PCNT: variants seen among roughly 807,000 people sequenced by gnomAD.
The protein encoded by PCNT is pericentrin.
In PCNT, 319 loss-of-function variants were observed where a neutral mutation model predicts 380.4. The ratio of observed to expected loss-of-function variants is 0.84; its 90% CI spans 0.77 to 0.92. The LOEUF (loss-of-function observed/expected upper bound fraction) is 0.92. Ranked by LOEUF, PCNT falls within the 40% of genes least tolerant of loss-of-function variation. The probability of loss-of-function intolerance (pLI) is 0.00; values close to 1 mark genes in which losing one functional copy is unlikely to be tolerated. For synonymous variants in PCNT, 1,845 were observed against 1,735.2 expected, an observed-to-expected ratio of 1.06 and a Z score of -1.57; for missense variants, 4,400 against 4,255.3, an observed-to-expected ratio of 1.03 and a Z score of -0.95.
rs781460674 is a variant in PCNT, at chr21:46,385,897, G to A, written c.3378G>A (p.Leu1126=). The part of the protein sequence containing the change: ...IEECRSELEV[L]QQRRERENRE... ...AGTGCCGCTCCGAGTTGGAGGTGCT[G>A]CAGCAGAGGCGGGAGCGGGAGAACC... is the stretch of plus-strand genomic sequence containing the variant. The change falls in exon 17 of 47, where the codon CTG becomes CTA. Residue 1126 remains leucine (L), a synonymous_variant. Coordinates refer to ENST00000359568, the MANE Select transcript of PCNT (RefSeq NM_006031.6). 1.9e-6 allele frequency: 3 copies of A among 1,614,128 alleles called. No individual in the cohort carries two copies. The Admixed American group carries it at 5.0e-5, about 27-fold the overall frequency.
At chr21:46,375,226 G>A (rs1019102712) in intron 15 of PCNT, among the ~76,000 whole-genome samples, 3 of 152,132 alleles carry the variant, frequency 2.0e-5, no homozygotes, top group East Asian at 1.9e-4. Flanking sequence ...AATCGCATGC[G>A]GCCGGTGTGG....
chr21:46,401,373 G>A (rs2086421607), intron 25 of PCNT, among the ~76,000 whole-genome samples, 178 bp from the exon 26 acceptor site: 1 of 152,184 alleles, frequency 6.6e-6, no homozygotes, highest in Non-Finnish European at 1.5e-5. Flanking sequence ...GCCTCTGCTG[G>A]GAGGTGGCTG....
At position 46,353,249 on chromosome 21, in the gene PCNT, C is replaced by T. The variant is rs958477996; in HGVS notation, c.1602C>T (p.Tyr534=). Residue 534 remains tyrosine (Y), a synonymous_variant, in exon 10 of 47, where the codon TAC becomes TAT. Transcript: ENST00000359568. ...EKKLRDAEKT[Y]QEDLTLLQQR... ...AGTTAAGGGATGCTGAGAAAACTTA[C>T]CAAGAAGACCTAACCCTGTTACAGC... 3.1e-6 allele frequency: 5 copies of T among 1,614,032 alleles called. No individual in the cohort carries two copies. Among genetic ancestry groups the T allele is most frequent in the East Asian group, 2.2e-5 (1 of 44,898 alleles).
chr21:46,435,599 G>C (rs1358040918), intron 38 of PCNT, among the ~76,000 whole-genome samples: 5 of 151,900 alleles, frequency 3.3e-5, no homozygotes, highest in African/African-American at 1.2e-4. Flanking sequence ...CTGAAGTGCA[G>C]TGGCGCAATC....
intron 33 of PCNT, 92 bp from the exon 34 acceptor site, chr21:46,427,530 C>T: frequency 1.4e-6 from 2 of 1,444,184 alleles, no homozygotes; most frequent in Non-Finnish European, 1.9e-6. Flanking sequence ...TCCCGCAGGC[C>T]CCATCTCCAA....
At chr21:46,375,610 C>T (rs958175746) in intron 15 of PCNT, among the ~76,000 whole-genome samples, 2 of 150,640 alleles carry the variant, frequency 1.3e-5, no homozygotes, top group South Asian at 2.1e-4. Context: ...TGAGCCGGCC[C>T]GGTCAGATTG....
At chr21:46,327,521 C>T (rs184556941) in intron 2 of PCNT, among the ~76,000 whole-genome samples, 1 of 152,276 alleles carries the variant, frequency 6.6e-6, no homozygotes, top group East Asian at 1.9e-4. Context: ...CCTCCTCAGC[C>T]TCTTAAAGTG....
intron 15 of PCNT, 29 bp from the exon 16 acceptor site, chr21:46,381,665 G>A (rs537838358): frequency 1.4e-5 from 23 of 1,602,706 alleles, no homozygotes; most frequent in Middle Eastern, 1.7e-4. Context: ...TAGCTTACTG[G>A]TATTTTTTAT....
chr21:46,395,830 G>A (rs1185604608), intron 21 of PCNT, among the ~76,000 whole-genome samples: 348 of 99,284 alleles, frequency 3.5e-3, no homozygotes, highest in Middle Eastern at 6.4e-3. Context: ...GTAATAAAAT[G>A]GAGACTTCAG....
chr21:46,346,994 A>G lies in PCNT; in HGVS notation c.972A>G (p.Glu324=). The G allele has an allele frequency of 6.3e-7, 1 of 1,595,144 alleles. No individual in the cohort carries two copies. The highest frequency in any genetic ancestry group is 1.1e-5 in the South Asian group (1 of 87,686). ...KEEVVLRCGQ[E]AAELKEKLQS... ...AGGTGGTGCTCAGGTGTGGACAGGA[A>G]GCAGGTACTGCATGGCTAGGCGGGC... is the stretch of plus-strand genomic sequence containing the variant. The change falls in exon 5 of 47, where the codon GAA becomes GAG. Residue 324 remains glutamate (E), a synonymous_variant. Coordinates refer to ENST00000359568, the MANE Select transcript of PCNT (RefSeq NM_006031.6).
chr21:46,430,310 C>G, intron 36 of PCNT, 78 bp downstream of exon 36: 1 of 1,462,494 alleles, frequency 6.8e-7, no homozygotes, highest in South Asian at 1.2e-5. Context: ...TGAAGGGAGA[C>G]AGAACCTCTG....
intron 21 of PCNT, 64 bp from the exon 22 acceptor site, chr21:46,397,201 C>A: frequency 8.1e-7 from 1 of 1,231,740 alleles, no homozygotes; most frequent in Non-Finnish European, 1.2e-6. Flanking sequence ...AGGAGATGCA[C>A]GTGTCATGCA....
chr21:46,357,537 T>C (rs555734523), intron 13 of PCNT, among the ~76,000 whole-genome samples: 10 of 152,288 alleles, frequency 6.6e-5, no homozygotes, highest in Admixed American at 6.5e-4. Context: ...TGCTTCCTGA[T>C]TTCAAGTGGT....
In PCNT at chr21:46,425,611, G is replaced by A. The variant is rs1448749128; in HGVS notation, c.7180-220G>A. Among the ~76,000 whole-genome samples, 1 of 152,246 alleles carries A rather than the reference G, an allele frequency of 6.6e-6. No individual in the cohort carries two copies. Among genetic ancestry groups the A allele is most frequent in the Non-Finnish European group, 1.5e-5 (1 of 68,044 alleles). ...TTATAGAGAAATTCACTCCAAGCCT[G>A]GCTTCCGTGTTGTCTCTCTGAAGGT... is the stretch of plus-strand genomic sequence containing the variant. On this transcript the variant is annotated intron_variant, in intron 32 of 46. Coordinates refer to ENST00000359568, the MANE Select transcript of PCNT (RefSeq NM_006031.6). This position sits in a 1 kb window ranked among gnomAD's most constrained non-coding sequence, Gnocchi z 4.2.
chr21:46,365,842 TGC>T (rs201400233), intron 14 of PCNT, among the ~76,000 whole-genome samples: 17,189 of 122,962 alleles, frequency 0.14, 1,190 homozygotes, highest in South Asian at 0.22. Flanking sequence ...TTCCGTTCAC[TGC>T]CACAGGGTTC....
intron 3 of PCNT, among the ~76,000 whole-genome samples, chr21:46,335,990 G>GT (rs2083723783): frequency 6.6e-6 from 1 of 150,412 alleles, no homozygotes; most frequent in South Asian, 2.1e-4. Context: ...CAAATTGTTT[G>GT]TTTTTTGAGA....
chr21:46,325,466 T>G (rs1569151395), intron 1 of PCNT, among the ~76,000 whole-genome samples: 1 of 152,176 alleles, frequency 6.6e-6, no homozygotes, highest in African/African-American at 2.4e-5. Context: ...TATCCCGACA[T>G]GGATAGGTGT....
rs749883853 is a variant in PCNT at position 46,442,500 on chromosome 21, A to G, written c.9627A>G (p.Leu3209=). ...GTCTTGTCTCTTTTTTTTGTAGATT[A>G]CGTTTTTTGGTTAAGAAATGGCAAG... ...AVRVVIAILR[L]RFLVKKWQEV... The change falls in exon 44 of 47, where the codon TTA becomes TTG. Residue 3209 remains leucine, a synonymous_variant. Transcript: ENST00000359568. 6.2e-6 allele frequency: 10 copies of G among 1,600,380 alleles called. No homozygotes were observed. The highest frequency in any genetic ancestry group is 1.7e-4 in the Middle Eastern group (1 of 6,044).
At chr21:46,412,241 CAG>C (rs2086814084) in intron 28 of PCNT, among the ~76,000 whole-genome samples, 174 bp downstream of exon 28, 1 of 152,190 alleles carries the variant, frequency 6.6e-6, no homozygotes, top group African/African-American at 2.4e-5. Context: ...TGTTCCGTGT[CAG>C]TACGCAGTGA....
Sources: allele counts gnomAD v4.1 joint callset (sites outside exome capture counted in the v4.1 genomes callset), GRCh38; gene constraint gnomAD v4.1.1; non-coding constraint Gnocchi (gnomAD v3.1); transcripts MANE v1.5; gene names NCBI Gene and HGNC (gene_info 2026-07-23, HGNC 2026-07-21).